Variants in BRCA2 observed in about 807,000 individuals in gnomAD.
BRCA2 encodes breast cancer type 2 susceptibility protein.
A neutral mutation model predicts 276.7 loss-of-function variants in BRCA2; 203 were observed. The observed-to-expected ratio is 0.73, with a 90% confidence interval of 0.65 to 0.82. The LOEUF (loss-of-function observed/expected upper bound fraction) is 0.82, where lower values mean the gene tolerates loss of function less well. Among genes scored for constraint, BRCA2 ranks in the 40% least tolerant of loss-of-function variants. The pLI, the probability that BRCA2 is intolerant of heterozygous loss-of-function variation, is 0.00. For synonymous variants in BRCA2, 1,289 were observed against 1,338.4 expected (o/e 0.96, Z 0.81); for missense variants, 3,920 against 3,915.0 (o/e 1.00, Z -0.03).
intron 11 of BRCA2, 88 bp from the exon 12 acceptor site, chr13:32,344,470 T>G (rs984472602): frequency 7.3e-6 from 6 of 819,962 alleles, no homozygotes; most frequent in Non-Finnish European, 1.2e-5. Context: ...AGTCAATACT[T>G]TAGCTTTAAA....
At position 32,345,500 on chromosome 13, in the gene BRCA2, T is replaced by G. The variant is rs9567576; in HGVS notation, c.6937+847T>G. ...ATAATATATACATAATAATCTAAAT[T>G]TACAATATCAGTATTAACTACTGAC... is the stretch of plus-strand genomic sequence containing the variant. On this transcript the variant is annotated intron_variant, in intron 12 of 26. Coordinates refer to ENST00000380152, the MANE Select transcript of BRCA2 (RefSeq NM_000059.4). Among the ~76,000 whole-genome samples the G allele has an allele frequency of 0.29, 43,790 of 151,782 alleles. 6,489 individuals are homozygous for G. The highest frequency in any genetic ancestry group is 0.4 in the East Asian group (2,057 of 5,170).
In BRCA2 at chr13:32,336,859, C is replaced by T. The variant is rs1593897100; in HGVS notation, c.2504C>T (p.Pro835Leu). Residue 835 changes from proline to leucine, a missense_variant, in exon 11 of 27, where the codon CCA becomes CTA. By Grantham distance (98) the Pro-to-Leu change is moderately conservative. Coordinates refer to ENST00000380152, the MANE Select transcript of BRCA2 (RefSeq NM_000059.4). ...NENYKNVELL[P>L]PEKYMRVASP... ...AATTATAAAAACGTTGAGCTGTTGC[C>T]ACCTGAAAAATACATGAGAGTAGCA... 5.6e-6 allele frequency: 9 copies of T among 1,609,468 alleles called. No individual in the cohort carries two copies. The highest frequency in any genetic ancestry group is 7.6e-6 in the Non-Finnish European group (9 of 1,178,946).
At chr13:32,371,221 T>C (rs1250534056) in intron 20 of BRCA2, 121 bp downstream of exon 20, 13 of 1,053,088 alleles carry the variant, frequency 1.2e-5, no homozygotes, top group Admixed American at 5.1e-5. Flanking sequence ...ATTGACTTTA[T>C]TTTTTAGTAT....
In BRCA2 at chr13:32,332,925, G is replaced by A. The variant is rs80358432; in HGVS notation, c.1447G>A (p.Ala483Thr). ...TGAATCTCATACAGACTGCATTCTT[G>A]CAGTAAAGCAGGCAATATCTGGAAC... The part of the protein sequence containing the change: ...HLESHTDCIL[A>T]VKQAISGTSP... The change falls in exon 10 of 27, where the codon GCA becomes ACA. Residue 483 changes from alanine to threonine, a missense_variant. Transcript: ENST00000380152. 3 of 1,608,322 alleles carry A rather than the reference G, an allele frequency of 1.9e-6. No homozygotes were observed. In the South Asian group the frequency reaches 3.4e-5, roughly 18 times the overall value.
Position 32,355,293 on chromosome 13 carries a change from T to G in BRCA2, c.7435+5T>G, listed in dbSNP as rs775973095. On this transcript the variant is annotated splice_donor_5th_base_variant and intron_variant, in intron 14 of 26. Coordinates refer to ENST00000380152, the MANE Select transcript of BRCA2 (RefSeq NM_000059.4). ...AGTGTGAAGAAGAACCTTTAGGTATTGTATGACAATTTGTGTGATGAATTT... is the reference window on the plus strand; with the variant it reads ...AGTGTGAAGAAGAACCTTTAGGTATGGTATGACAATTTGTGTGATGAATTT... The G allele has an allele frequency of 2.5e-6, 4 of 1,613,574 alleles. No individual in the cohort carries two copies. Among genetic ancestry groups the G allele is most frequent in the Non-Finnish European group, 2.5e-6 (3 of 1,179,734 alleles).
rs1172655439 is a variant in BRCA2 at position 32,382,894 on chromosome 13, G to A, written c.9256+2749G>A. Among the ~76,000 whole-genome samples, 3 of 152,170 alleles carry A rather than the reference G, an allele frequency of 2.0e-5. No individual in the cohort carries two copies. In the East Asian group the frequency reaches 5.8e-4, roughly 29 times the overall value. ...GTATCTAGAGGCTCTGTTGAAATTG[G>A]CCTTAGCTAGCAGGAGAGACTGTTC... On this transcript the variant is annotated intron_variant, in intron 24 of 26. Transcript: ENST00000380152.
chr13:32,349,314 C>A (rs1593914507), intron 13 of BRCA2, among the ~76,000 whole-genome samples: 1 of 143,156 alleles, frequency 7.0e-6, no homozygotes, highest in Admixed American at 7.0e-5. Context: ...AAGAAACTTA[C>A]ACACACACAA....
rs397507320 is a variant in BRCA2, at chr13:32,325,155, T to A, written c.396T>A (p.Cys132Ter). The A allele has an allele frequency of 1.2e-6, 2 of 1,602,722 alleles. No individual in the cohort carries two copies. The highest frequency in any genetic ancestry group is 1.7e-6 in the Non-Finnish European group (2 of 1,169,880). Residue 132 changes from cysteine (C) to a stop codon, truncating the protein, a stop_gained, in exon 4 of 27, where the codon TGT becomes TGA. Coordinates refer to ENST00000380152, the MANE Select transcript of BRCA2 (RefSeq NM_000059.4). LOFTEE classifies it high-confidence loss of function. ...TGGATCAAGCAGATGATGTTTCCTGTCCACTTCTAAATTCTTGTCTTAGTG... is the reference window on the plus strand; with the variant it reads ...TGGATCAAGCAGATGATGTTTCCTGACCACTTCTAAATTCTTGTCTTAGTG... ...TKMDQADDVS[C>*]PLLNSCLSES... is the part of the protein sequence containing the mutation.
rs587780870 is a variant in BRCA2, at chr13:32,354,903, C to T, written c.7050C>T (p.Thr2350=). ...ERQEIQNPNF[T]APGQEFLSKS... is the part of the protein sequence containing the mutation. ...AAGAGATACAGAATCCAAATTTTACCGCACCTGGTCAAGAATTTCTGTCTA... is the reference window on the plus strand; with the variant it reads ...AAGAGATACAGAATCCAAATTTTACTGCACCTGGTCAAGAATTTCTGTCTA... Residue 2350 remains threonine (T), a synonymous_variant, in exon 14 of 27, where the codon ACC becomes ACT. Coordinates refer to ENST00000380152, the MANE Select transcript of BRCA2 (RefSeq NM_000059.4). The T allele has an allele frequency of 2.1e-5, 34 of 1,613,204 alleles. No homozygotes were observed. In the East Asian group the frequency reaches 2.5e-4, roughly 12 times the overall value.
chr13:32,389,635 CTG>C (rs1457014611), intron 24 of BRCA2, among the ~76,000 whole-genome samples: 1 of 152,194 alleles, frequency 6.6e-6, no homozygotes, highest in African/African-American at 2.4e-5. Context: ...GATGAGAAAT[CTG>C]TCATCATTCC....
chr13:32,323,572 A>G (rs1566217610), intron 3 of BRCA2, among the ~76,000 whole-genome samples: 1 of 152,204 alleles, frequency 6.6e-6, no homozygotes, highest in Non-Finnish European at 1.5e-5. Context: ...TTTAAGTTAC[A>G]CATCCATTTG....
chr13:32,333,864 A>T (rs542738224), intron 10 of BRCA2, among the ~76,000 whole-genome samples: 26 of 152,092 alleles, frequency 1.7e-4, no homozygotes, highest in Non-Finnish European at 8.8e-5. Flanking sequence ...GAGTGAGAAC[A>T]TGTGATGTTT....
At position 32,333,427 on chromosome 13, in the gene BRCA2, T is replaced by C. The variant is rs766860101; in HGVS notation, c.1909+40T>C. 8.9e-6 allele frequency: 14 copies of C among 1,577,918 alleles called. 1 individual carries two copies. In the South Asian group the frequency reaches 1.6e-4, roughly 19 times the overall value. ...TTTTTTTTGTAAATAGTACATATAG[T>C]TTTATAGATGACGATTCCTTCTGTG... On this transcript the variant is annotated intron_variant, in intron 10 of 26. Coordinates refer to ENST00000380152, the MANE Select transcript of BRCA2 (RefSeq NM_000059.4).
chr13:32,349,352 CAAAGT>C (rs1246954330), intron 13 of BRCA2, among the ~76,000 whole-genome samples: 1 of 143,500 alleles, frequency 7.0e-6, no homozygotes, highest in Non-Finnish European at 1.5e-5. Flanking sequence ...TAGGAAATAA[CAAAGT>C]AACTAAATTT....
rs966339964 is a variant in BRCA2, at chr13:32,336,231, C to A, written c.1910-34C>A. ...TATTTAGTGAATGTGATTGATGGTA[C>A]TTTAATTTTGTCACTTTGTGTTTTT... On this transcript the variant is annotated intron_variant, in intron 10 of 26. Coordinates refer to ENST00000380152, the MANE Select transcript of BRCA2 (RefSeq NM_000059.4). The A allele has an allele frequency of 9.5e-6, 15 of 1,583,410 alleles. No homozygotes were observed. The highest frequency in any genetic ancestry group is 2.2e-4 in the Middle Eastern group (1 of 4,490).
chr13:32,333,047 T>C lies in BRCA2; in HGVS notation c.1569T>C (p.His523=), dbSNP rs201750635. ...KETFNASFSG[H]MTDPNFKKET... ...CTTTCAATGCAAGTTTTTCAGGTCATATGACTGATCCAAACTTTAAAAAAG... is the reference window on the plus strand; with the variant it reads ...CTTTCAATGCAAGTTTTTCAGGTCACATGACTGATCCAAACTTTAAAAAAG... Residue 523 remains histidine (H), a synonymous_variant, in exon 10 of 27, where the codon CAT becomes CAC. Coordinates refer to ENST00000380152, the MANE Select transcript of BRCA2 (RefSeq NM_000059.4). The C allele has an allele frequency of 6.2e-7, 1 of 1,608,376 alleles. No individual in the cohort carries two copies. The highest frequency in any genetic ancestry group is 8.5e-7 in the Non-Finnish European group (1 of 1,178,716).
At chr13:32,368,956 G>A (rs1388432674) in intron 18 of BRCA2, among the ~76,000 whole-genome samples, 3 of 151,670 alleles carry the variant, frequency 2.0e-5, no homozygotes, top group South Asian at 2.1e-4. Flanking sequence ...GACTACAGGC[G>A]CCTGCCACCA....
In BRCA2 at chr13:32,338,426, A is replaced by C. The variant is rs140556653; in HGVS notation, c.4071A>C (p.Leu1357=). The C allele has an allele frequency of 8.5e-5, 137 of 1,609,410 alleles. No individual in the cohort carries two copies. In the African/African-American group the frequency reaches 1.7e-3, roughly 20 times the overall value. The part of the protein sequence containing the change: ...VCIHKDETDL[L]FTDQHNICLK... ...TTCATAAAGATGAAACGGACTTGCT[A>C]TTTACTGATCAGCACAACATATGTC... Residue 1357 remains leucine, a synonymous_variant, in exon 11 of 27, where the codon CTA becomes CTC. Coordinates refer to ENST00000380152, the MANE Select transcript of BRCA2 (RefSeq NM_000059.4).
chr13:32,360,181 A>C (rs1055335246), intron 16 of BRCA2, among the ~76,000 whole-genome samples: 3 of 152,146 alleles, frequency 2.0e-5, no homozygotes, highest in Admixed American at 6.5e-5. Context: ...AGCCTCTAAG[A>C]GGGGAGCATG....
Sources: allele counts gnomAD v4.1 joint callset (sites outside exome capture counted in the v4.1 genomes callset), GRCh38; gene constraint gnomAD v4.1.1; transcripts MANE v1.5; gene names NCBI Gene and HGNC (gene_info 2026-07-23, HGNC 2026-07-21).